The following TIMD4 variants were observed in gnomAD, a reference collection of about 807,000 sequenced individuals.
TIMD4 encodes T-cell immunoglobulin and mucin domain-containing protein 4.
TIMD4 carries 31 observed loss-of-function variants against 41.2 expected under a neutral mutation model. That is an observed-to-expected ratio of 0.75 (90% CI 0.57 to 1.01). TIMD4 has a LOEUF of 1.01. TIMD4 is among the 50% of genes least tolerant of loss of function. The probability of loss-of-function intolerance (pLI) is 0.00; values close to 1 mark genes in which losing one functional copy is unlikely to be tolerated. For synonymous variants in TIMD4, 204 were observed against 177.1 expected (o/e 1.15, Z -1.21); for missense variants, 479 against 472.5 (o/e 1.01, Z -0.13).
At chr5:156,928,342 A>G (rs1759385304) in intron 5 of TIMD4, among the ~76,000 whole-genome samples, 1 of 152,000 alleles carries the variant, frequency 6.6e-6, no homozygotes, top group Admixed American at 6.6e-5. Flanking sequence ...GTTCAGAGAG[A>G]AGAGCAGGGA....
rs1180410002 is a variant in TIMD4 at position 156,954,461 on chromosome 5, G to A, written c.354C>T (p.Gly118=). 2 of 1,614,082 alleles carry A rather than the reference G, an allele frequency of 1.2e-6. No individual in the cohort carries two copies. Among genetic ancestry groups the A allele is most frequent in the Non-Finnish European group, 1.7e-6 (2 of 1,180,058 alleles). ...CGTTTATCTTTACATCGTTGAACCA[G>A]CCAGGCACTTCTATGCGGCAGCAGT... ...GVYCCRIEVP[G]WFNDVKINVR... The change falls in exon 2 of 9, where the codon GGC becomes GGT. Residue 118 remains glycine, a synonymous_variant. Coordinates refer to ENST00000274532, the MANE Select transcript of TIMD4 (RefSeq NM_138379.3).
intron 5 of TIMD4, among the ~76,000 whole-genome samples, chr5:156,936,918 C>T (rs1163021027): frequency 5.3e-5 from 7 of 132,356 alleles, no homozygotes; most frequent in Admixed American, 2.5e-4. Flanking sequence ...GGTAAGAGAG[C>T]GAGACTCCGT....
intron 6 of TIMD4, among the ~76,000 whole-genome samples, chr5:156,923,330 G>A (rs1203002777): frequency 6.6e-6 from 1 of 151,560 alleles, no homozygotes; most frequent in Non-Finnish European, 1.5e-5. Flanking sequence ...TTTGTTTTTA[G>A]TACAGATGGG....
rs751634784 is a variant in TIMD4, at chr5:156,920,543, G to C, written c.1013-40C>G. The C allele has an allele frequency of 5.6e-6, 9 of 1,608,768 alleles. No individual in the cohort carries two copies. In the Admixed American group the frequency reaches 1.3e-4, roughly 24 times the overall value. ...CCACAGTGTGAGCAGAGTGGCTGCG[G>C]TGCATAGAACATGCAAAATGCTGGG... On this transcript the variant is annotated intron_variant, in intron 7 of 8. Coordinates refer to ENST00000274532, the MANE Select transcript of TIMD4 (RefSeq NM_138379.3).
intron 6 of TIMD4, among the ~76,000 whole-genome samples, chr5:156,923,938 A>G (rs1395143011): frequency 1.3e-5 from 2 of 152,074 alleles, no homozygotes; most frequent in African/African-American, 4.8e-5. Flanking sequence ...CCTGGACTCA[A>G]GTGATCCTCC....
intron 1 of TIMD4, among the ~76,000 whole-genome samples, chr5:156,956,072 A>C (rs143522787): frequency 1.3e-3 from 205 of 152,350 alleles, no homozygotes; most frequent in Middle Eastern, 3.4e-3. Flanking sequence ...AGTACAACTT[A>C]GTCCTTCAGT....
rs1581633680 is a variant in TIMD4, at chr5:156,954,739, T to A, written c.76A>T (p.Thr26Ser). The change falls in exon 2 of 9, where the codon ACT (threonine) becomes TCT (serine). Residue 26 changes from threonine (T) to serine (S), a missense_variant. Transcript: ENST00000274532. ...TGACCCAAAACCTCCGTCACAACAGTCTCTGAAGTGACTGGTGCTGCAAGG... is the reference window on the plus strand; with the variant it reads ...TGACCCAAAACCTCCGTCACAACAGACTCTGAAGTGACTGGTGCTGCAAGG... ...WLYLTPVTSE[T>S]VVTEVLGHRV... is the part of the protein sequence containing the mutation. 6.2e-7 allele frequency: 1 copy of A among 1,610,090 alleles called. No homozygotes were observed. Among genetic ancestry groups the A allele is most frequent in the South Asian group, 1.1e-5 (1 of 90,642 alleles).
chr5:156,949,811 T>A lies in TIMD4; in HGVS notation c.680-80A>T, dbSNP rs73293079. ...TGGTGGGTGGTGGGATTTGGGATTA[T>A]CTTTTTTTAATTAATTAATTTTTTG... On this transcript the variant is annotated intron_variant, in intron 3 of 8. Coordinates refer to ENST00000274532, the MANE Select transcript of TIMD4 (RefSeq NM_138379.3). 3,485 of 855,136 alleles carry A rather than the reference T, an allele frequency of 4.1e-3. 108 individuals are homozygous for A. In the African/African-American group the frequency reaches 0.055, roughly 13 times the overall value. 53.0% of individuals were successfully genotyped at this position (855,136 alleles called of 1,614,324 possible).
chr5:156,943,566 T>C (rs758477781), intron 5 of TIMD4, among the ~76,000 whole-genome samples: 6 of 152,300 alleles, frequency 3.9e-5, no homozygotes, highest in Non-Finnish European at 1.5e-5. Context: ...TGGGATGTTA[T>C]AGAGGCAGTG....
At position 156,920,519 on chromosome 5, in the gene TIMD4, C is replaced by T. The variant is rs1208835897; in HGVS notation, c.1013-16G>A. The T allele has an allele frequency of 1.9e-6, 3 of 1,613,930 alleles. No individual in the cohort carries two copies. The highest frequency in any genetic ancestry group is 2.5e-6 in the Non-Finnish European group (3 of 1,179,894). On this transcript the variant is annotated splice_polypyrimidine_tract_variant and intron_variant, in intron 7 of 8. Coordinates refer to ENST00000274532, the MANE Select transcript of TIMD4 (RefSeq NM_138379.3). ...ATGAGTTTCCCTGAAAAGACAAGGC[C>T]ACAGTGTGAGCAGAGTGGCTGCGGT...
At chr5:156,925,490 G>A (rs1454267619) in intron 6 of TIMD4, among the ~76,000 whole-genome samples, 2 of 152,240 alleles carry the variant, frequency 1.3e-5, no homozygotes, top group South Asian at 4.1e-4. Context: ...CTGAGAGAGA[G>A]ATGGGGAAGA....
At chr5:156,956,775 C>T (rs1759979695) in intron 1 of TIMD4, among the ~76,000 whole-genome samples, 1 of 152,176 alleles carries the variant, frequency 6.6e-6, no homozygotes, top group Non-Finnish European at 1.5e-5. Context: ...TGAGACCACA[C>T]CCTGCTCCCC....
chr5:156,922,942 A>G (rs1759275901), intron 6 of TIMD4, among the ~76,000 whole-genome samples: 1 of 152,230 alleles, frequency 6.6e-6, no homozygotes, highest in African/African-American at 2.4e-5. Context: ...TTATGTTAGC[A>G]CAAAGTGAGT....
chr5:156,927,305 G>T (rs1329942547), intron 5 of TIMD4, among the ~76,000 whole-genome samples: 1 of 152,192 alleles, frequency 6.6e-6, no homozygotes, highest in Non-Finnish European at 1.5e-5. Context: ...GTAAGAATTA[G>T]CCAGGCAAGG....
intron 1 of TIMD4, among the ~76,000 whole-genome samples, chr5:156,959,913 G>A (rs1346129935): frequency 1.3e-5 from 2 of 151,894 alleles, no homozygotes; most frequent in African/African-American, 4.8e-5. Flanking sequence ...TGTGGTGGCG[G>A]GCGCCTGCAA....
intron 3 of TIMD4, among the ~76,000 whole-genome samples, chr5:156,950,646 C>A (rs748590152): frequency 3.9e-5 from 6 of 152,130 alleles, no homozygotes; most frequent in Admixed American, 6.6e-5. Flanking sequence ...AGCAATGGAG[C>A]AAGTCACTCA....
chr5:156,928,839 C>T (rs1289157242), intron 5 of TIMD4, among the ~76,000 whole-genome samples: 5 of 152,164 alleles, frequency 3.3e-5, no homozygotes, highest in African/African-American at 1.2e-4. Flanking sequence ...GAATTCAAAA[C>T]TCCTACCCTT....
intron 6 of TIMD4, chr5:156,924,341 A>G: frequency 2.9e-6 from 1 of 348,320 alleles, no homozygotes; most frequent in Non-Finnish European, 5.8e-6. Flanking sequence ...AGCTATATAA[A>G]AGTTGGTGTC....
In TIMD4 at chr5:156,933,006, A is replaced by AAAAAGAAAAG. The variant is rs10628617; in HGVS notation, c.845-6704_845-6695dup. On this transcript the variant is annotated intron_variant, in intron 5 of 8. Transcript: ENST00000274532. ...GCAACCGAGTAAGACTCTGTCTCAA[A>AAAAAGAAAAG]AAAAGAAAAGAAAAGAAAAGAAAAG... 7.4e-3 allele frequency among the ~76,000 whole-genome samples: 1,116 copies of AAAAAGAAAAG among 150,118 alleles called. 9 individuals carry two copies. The highest frequency in any genetic ancestry group is 0.017 in the African/African-American group (706 of 40,416).
Sources: gnomAD v4.1 joint callset for allele counts (sites outside exome capture counted in the v4.1 genomes callset) on GRCh38, gnomAD v4.1.1 for gene constraint, MANE v1.5 for transcripts, NCBI Gene and HGNC (gene_info 2026-07-23, HGNC 2026-07-21) for gene names.